The following PDE1C variants were observed in gnomAD, a reference collection of about 807,000 sequenced individuals.
PDE1C encodes dual specificity calcium/calmodulin-dependent 3',5'-cyclic nucleotide phosphodiesterase 1C.
In PDE1C, 62 loss-of-function variants were observed where a neutral mutation model predicts 93.1. The observed-to-expected ratio is 0.67, with a 90% CI of 0.54 to 0.82. The LOEUF (loss-of-function observed/expected upper bound fraction) is 0.82, where lower values mean the gene tolerates loss of function less well. Among genes scored for constraint, PDE1C ranks in the 40% least tolerant of loss-of-function variants. The pLI is 0.00. For synonymous variants in PDE1C, 325 were observed against 310.1 expected (o/e 1.05, Z -0.50); for missense variants, 742 against 884.6 (o/e 0.84, Z 2.04).
At chr7:32,079,975 C>T (rs936460606) in intron 3 of PDE1C, among the ~76,000 whole-genome samples, 3 of 152,080 alleles carry the variant, frequency 2.0e-5, no homozygotes, top group African/African-American at 7.2e-5. Flanking sequence ...AAGCAGGTGA[C>T]ATTTGATCTA....
chr7:31,786,819 T>C (rs765090620), intron 16 of PDE1C: 10 of 152,320 alleles, frequency 6.6e-5, no homozygotes, highest in African/African-American at 2.4e-4. Context: ...CTAGGCTCCA[T>C]GGGGAATGTT....
At chr7:31,785,066 G>C (rs1053468689) in intron 16 of PDE1C, 4 of 152,158 alleles carry the variant, frequency 2.6e-5, no homozygotes, top group African/African-American at 9.7e-5. Flanking sequence ...ATAGCCATGG[G>C]GTTTTAATGG....
intron 9 of PDE1C, among the ~76,000 whole-genome samples, chr7:31,838,370 C>T (rs1435169125): frequency 2.0e-5 from 3 of 152,148 alleles, no homozygotes; most frequent in African/African-American, 7.2e-5. Context: ...TTAAAAATAG[C>T]TTGATTTTTA....
At chr7:31,826,803 G>C (rs560893911) in intron 12 of PDE1C, among the ~76,000 whole-genome samples, 4 of 152,124 alleles carry the variant, frequency 2.6e-5, no homozygotes, top group African/African-American at 9.7e-5. Flanking sequence ...TACTGGCAAA[G>C]AAATCTTCTA....
intron 2 of PDE1C, among the ~76,000 whole-genome samples, chr7:31,968,189 T>C (rs1055507990): frequency 3.3e-5 from 5 of 152,186 alleles, no homozygotes; most frequent in Admixed American, 2.0e-4. Context: ...GCAGATGACA[T>C]GACTGTATAT....
the PDE1C span, chr7:31,652,168 C>T: frequency 1.3e-6 from 1 of 799,258 alleles, no homozygotes; most frequent in Non-Finnish European, 2.1e-6. Flanking sequence ...CCAACACCTT[C>T]ATTTTAAGTA....
At chr7:32,302,192 G>A (rs374089203), upstream of PDE1C, among the ~76,000 whole-genome samples, 1 of 152,132 alleles carries the variant, frequency 6.6e-6, no homozygotes, top group Non-Finnish European at 1.5e-5. Flanking sequence ...CTTTACATCT[G>A]TCAGGGTTTG....
chr7:31,793,481 G>A (rs923042778), intron 16 of PDE1C, among the ~76,000 whole-genome samples: 1 of 151,930 alleles, frequency 6.6e-6, no homozygotes, highest in African/African-American at 2.4e-5. Context: ...CAGATTTTCA[G>A]GTCCTAGGAA....
At chr7:31,929,023 C>T (rs1224134011) in intron 2 of PDE1C, among the ~76,000 whole-genome samples, 2 of 151,882 alleles carry the variant, frequency 1.3e-5, no homozygotes, top group African/African-American at 2.4e-5. Flanking sequence ...CATTGGTGTG[C>T]TGTATTCAGG....
the PDE1C span, among the ~76,000 whole-genome samples, chr7:31,617,656 A>AAAAAAACCCACGATACTCTT: frequency 6.6e-6 from 1 of 152,136 alleles, no homozygotes; most frequent in Non-Finnish European, 1.5e-5. Flanking sequence ...TTTAAAGGAA[A>AAAAAAACCCACGATACTCTT]AAAAAACCCA....
chr7:31,720,744 CA>C, the PDE1C span, among the ~76,000 whole-genome samples: 3 of 152,154 alleles, frequency 2.0e-5, no homozygotes, highest in Admixed American at 2.0e-4. Context: ...TCTAACGACC[CA>C]AAACAGAGGA....
chr7:32,229,102 C>T (rs778575652), intron 1 of PDE1C, among the ~76,000 whole-genome samples: 9 of 152,178 alleles, frequency 5.9e-5, no homozygotes, highest in Non-Finnish European at 1.0e-4. Flanking sequence ...GTGCTTTGGG[C>T]CCTGAAGAGC....
At position 32,332,159 on chromosome 7, in the gene PDE1C, C is replaced by T. The variant is rs536565576; in HGVS notation, c.310+95663G>A. 3.9e-5 allele frequency among the ~76,000 whole-genome samples: 6 copies of T among 152,262 alleles called. No homozygotes were observed. The South Asian group carries it at 1.2e-3, about 32-fold the overall frequency. On this transcript the variant is annotated intron_variant, in intron 1 of 1. Transcript: ENST00000672256. The stretch of plus-strand genomic sequence containing the variant: ...TTGTATAGAAATCATTATACACACA[C>T]ACACAGAGACATCTATAATCAAAAA...
chr7:31,997,123 G>A (rs962620718), intron 2 of PDE1C, among the ~76,000 whole-genome samples: 3 of 152,214 alleles, frequency 2.0e-5, no homozygotes, highest in African/African-American at 7.2e-5. Flanking sequence ...AACAAACAGT[G>A]CTTCATGAAG....
chr7:31,825,623 G>T (rs1041188502), intron 12 of PDE1C, among the ~76,000 whole-genome samples: 1 of 152,174 alleles, frequency 6.6e-6, no homozygotes, highest in Non-Finnish European at 1.5e-5. Context: ...TGGCAAGATA[G>T]ATAAGAAGGA....
chr7:32,415,605 G>A (rs939033867), intron 1 of PDE1C, among the ~76,000 whole-genome samples: 1 of 152,092 alleles, frequency 6.6e-6, no homozygotes, highest in Non-Finnish European at 1.5e-5. Context: ...AGAGTCTGGG[G>A]CCCCTCCTCA....
In PDE1C at chr7:31,759,956, G is replaced by A. The variant is rs138077831; in HGVS notation, c.1961-6403C>T. On this transcript the variant is annotated intron_variant, in intron 17 of 17. Transcript: ENST00000396191. ...TGGCTACTTTTTTGTTTTGGTATGG[G>A]GAACAGTTGTACAGAATTATTTTTC... 3.8e-4 allele frequency among the ~76,000 whole-genome samples: 57 copies of A among 151,658 alleles called. 1 individual carries two copies. The highest frequency in any genetic ancestry group is 1.3e-3 in the African/African-American group (55 of 41,322).
intron 3 of PDE1C, among the ~76,000 whole-genome samples, chr7:32,116,546 A>T (rs992176727): frequency 6.6e-6 from 1 of 152,170 alleles, no homozygotes; most frequent in African/African-American, 2.4e-5. Context: ...AGGTGCATAC[A>T]TATGTAAAAC....
intron 2 of PDE1C, among the ~76,000 whole-genome samples, chr7:32,177,212 T>A (rs1381920809): frequency 6.6e-6 from 1 of 152,202 alleles, no homozygotes; most frequent in Non-Finnish European, 1.5e-5. Context: ...GGAAAGTAGA[T>A]TCTGAGACAA....
Sources: gnomAD v4.1 joint callset for allele counts (sites outside exome capture counted in the v4.1 genomes callset) on GRCh38, gnomAD v4.1.1 for gene constraint, MANE v1.5 for transcripts, NCBI Gene and HGNC (gene_info 2026-07-23, HGNC 2026-07-21) for gene names.